The following USP15 variants were observed in gnomAD, a reference collection of about 807,000 sequenced individuals.
USP15 encodes the protein ubiquitin carboxyl-terminal hydrolase 15.
Under a neutral mutation model 127.1 loss-of-function variants are expected in USP15, and 18 were observed. The observed-to-expected ratio is 0.14, with a 90% CI of 0.10 to 0.21. The LOEUF is 0.21. USP15 is among the 10% of genes least tolerant of loss of function. USP15 has a pLI of 1.00. For synonymous variants in USP15, 364 were observed against 393.7 expected (o/e 0.92, Z 0.89); for missense variants, 805 against 1,159.9 (o/e 0.69, Z 4.44).
chr12:62,343,277 C>A (rs1468754026), intron 6 of USP15, among the ~76,000 whole-genome samples: 2 of 152,118 alleles, frequency 1.3e-5, no homozygotes, highest in South Asian at 4.1e-4. Context: ...CAAGCTCGAT[C>A]GTCCCAGGTC....
chr12:62,338,992 T>C (rs2065568714), intron 6 of USP15, among the ~76,000 whole-genome samples: 1 of 152,192 alleles, frequency 6.6e-6, no homozygotes, highest in African/African-American at 2.4e-5. Flanking sequence ...AGTAGTTTTT[T>C]CTAATTCTGT....
chr12:62,383,830 T>C lies in USP15; in HGVS notation c.1090-10T>C, dbSNP rs2067062979. The C allele has an allele frequency of 6.8e-6, 11 of 1,608,958 alleles. No homozygotes were observed. Among genetic ancestry groups the C allele is most frequent in the Non-Finnish European group, 9.3e-6 (11 of 1,177,710 alleles). ...CTAGAACTGATTTGATGGTTTTGCATTTCTTACAGACACAGGTAGGACGTT... is the reference window on the plus strand; with the variant it reads ...CTAGAACTGATTTGATGGTTTTGCACTTCTTACAGACACAGGTAGGACGTT... On this transcript the variant is annotated splice_polypyrimidine_tract_variant and intron_variant, in intron 9 of 21. Coordinates refer to ENST00000280377, the MANE Select transcript of USP15 (RefSeq NM_001252078.2).
intron 21 of USP15, among the ~76,000 whole-genome samples, chr12:62,403,502 C>T (rs1220729648): frequency 1.3e-5 from 2 of 151,904 alleles, no homozygotes; most frequent in African/African-American, 4.8e-5. Context: ...GGTTATTGAC[C>T]CTGCTGAAAG....
intron 8 of USP15, among the ~76,000 whole-genome samples, chr12:62,365,018 A>G (rs1221037961): frequency 5.9e-5 from 9 of 152,134 alleles, no homozygotes; most frequent in Admixed American, 1.3e-4. Context: ...CAGTAAGTGT[A>G]TGTGTGCATG....
intron 8 of USP15, among the ~76,000 whole-genome samples, chr12:62,355,725 TCAGA>T (rs1481146385): frequency 1.3e-5 from 2 of 150,614 alleles, no homozygotes; most frequent in Non-Finnish European, 3.0e-5. Flanking sequence ...AAATATAATA[TCAGA>T]CAGAAAACTT....
Position 62,413,735 on chromosome 12 carries a change from G to A in USP15, c.*9360G>A, listed in dbSNP as rs763960501. On this transcript the variant is annotated 3_prime_UTR_variant, in exon 22 of 22. Coordinates refer to ENST00000280377, the MANE Select transcript of USP15 (RefSeq NM_001252078.2). ...ATCTATTAAAAAAAAAAAAACTCAG[G>A]CTTTCTCTATACCACTTTTCTTATG... 31 of 151,916 alleles carry A rather than the reference G, an allele frequency of 2.0e-4. No homozygotes were observed. The highest frequency in any genetic ancestry group is 4.4e-4 in the Non-Finnish European group (30 of 67,988). The allele number at this position is 151,916 out of a possible 1,614,324, so 9.4% of individuals were successfully genotyped here. A position where few individuals can be genotyped will look rare whatever the true frequency, so the allele number is the denominator to read the frequency against.
At chr12:62,394,170 G>A (rs965239032) in intron 19 of USP15, among the ~76,000 whole-genome samples, 1 of 152,114 alleles carries the variant, frequency 6.6e-6, no homozygotes, top group African/African-American at 2.4e-5. Flanking sequence ...GACAAAAAGG[G>A]AACATTGTAT....
Position 62,314,796 on chromosome 12 carries a change from G to T in USP15, c.355G>T (p.Glu119Ter). 6.4e-7 allele frequency: 1 copy of T among 1,564,616 alleles called. No homozygotes were observed. The highest frequency in any genetic ancestry group is 1.2e-5 in the South Asian group (1 of 83,128). The change falls in exon 4 of 22, where the codon GAA becomes TAA. Residue 119 changes from glutamate (E) to a stop codon, truncating the protein, a stop_gained. Coordinates refer to ENST00000280377, the MANE Select transcript of USP15 (RefSeq NM_001252078.2). LOFTEE classifies it high-confidence loss of function. ...TTTTGTTTCATTATTTTAGGTGGTTGAACAGGGTATGTTTGTAAAGCACTG... is the reference window on the plus strand; with the variant it reads ...TTTTGTTTCATTATTTTAGGTGGTTTAACAGGGTATGTTTGTAAAGCACTG... ...GQEPIARKVV[E>*]QGMFVKHCKV...
At chr12:62,287,760 A>G (rs928341398) in intron 1 of USP15, among the ~76,000 whole-genome samples, 1 of 152,008 alleles carries the variant, frequency 6.6e-6, no homozygotes, top group South Asian at 2.1e-4. Flanking sequence ...CTTGAGTTAA[A>G]TATTTTATAT....
chr12:62,302,770 G>T lies in USP15; in HGVS notation c.218-20G>T. Reference sequence around the variant, plus strand: ...CAAAGTATTTAGAGTTAGGTATTGAGTTTATTTTTTCTTTTGCAGATGGTG... The same window carrying T: ...CAAAGTATTTAGAGTTAGGTATTGATTTTATTTTTTCTTTTGCAGATGGTG... On this transcript the variant is annotated intron_variant, in intron 2 of 21. Transcript: ENST00000280377. 1 of 1,598,148 alleles carries T rather than the reference G, an allele frequency of 6.3e-7. No individual in the cohort carries two copies. Among genetic ancestry groups the T allele is most frequent in the Non-Finnish European group, 8.5e-7 (1 of 1,170,432 alleles).
intron 7 of USP15, among the ~76,000 whole-genome samples, chr12:62,351,000 G>T (rs1251637274): frequency 1.3e-5 from 2 of 152,108 alleles, no homozygotes; most frequent in Admixed American, 1.3e-4. Flanking sequence ...AACCCCATTT[G>T]CTTTCCCTTA....
rs1023389433 is a variant in USP15, at chr12:62,414,463, C to A, written c.*10088C>A. On this transcript the variant is annotated 3_prime_UTR_variant, in exon 22 of 22. Transcript: ENST00000280377. ...TCAAGTGGTCCTCCCACCTCAGCCT[C>A]CGAAGTAGCTGGGTCTACAGGCATG... The A allele has an allele frequency of 6.6e-6, 1 of 152,252 alleles. No individual in the cohort carries two copies. Among genetic ancestry groups the A allele is most frequent in the East Asian group, 1.9e-4 (1 of 5,188 alleles). 9.4% of individuals were successfully genotyped at this position (152,252 alleles called of 1,614,324 possible).
In USP15 at chr12:62,375,472, G is replaced by A. The variant is rs1015880447; in HGVS notation, c.916-6018G>A. ...TCCACATACCTGTTTGAGTGTGCCC[G>A]ATATTGTGATAGACCCTGAGGTACA... is the stretch of plus-strand genomic sequence containing the variant. On this transcript the variant is annotated intron_variant, in intron 8 of 21. Transcript: ENST00000280377. Among the ~76,000 whole-genome samples the A allele has an allele frequency of 2.0e-5, 3 of 152,144 alleles. No homozygotes were observed. In the South Asian group the frequency reaches 6.2e-4, roughly 32 times the overall value.
In USP15 at chr12:62,271,125, G is replaced by GT. The variant is rs1475046297; in HGVS notation, c.89+10623dup. On this transcript the variant is annotated intron_variant, in intron 1 of 21. Coordinates refer to ENST00000280377, the MANE Select transcript of USP15 (RefSeq NM_001252078.2). Reference sequence around the variant, plus strand: ...AACACATTTACAGTACCTGGAAAATGTAAGACAACACCCTCAGCAGATGAA... The same window carrying GT: ...AACACATTTACAGTACCTGGAAAATGTTAAGACAACACCCTCAGCAGATGAA... Among the ~76,000 whole-genome samples, 3 of 152,008 alleles carry GT rather than the reference G, an allele frequency of 2.0e-5. No homozygotes were observed. In the East Asian group the frequency reaches 5.8e-4, roughly 29 times the overall value.
chr12:62,402,060 A>C (rs1037103315), intron 21 of USP15, among the ~76,000 whole-genome samples: 2 of 151,670 alleles, frequency 1.3e-5, no homozygotes, highest in Non-Finnish European at 2.9e-5. Flanking sequence ...TTTTTTCTGC[A>C]AAAGAAAATC....
At chr12:62,381,700 C>G in intron 9 of USP15, 37 bp downstream of exon 9, 1 of 1,582,406 alleles carries the variant, frequency 6.3e-7, no homozygotes, top group Non-Finnish European at 8.6e-7. Context: ...AGGGTACCTG[C>G]AAGGGTACAA....
At chr12:62,401,365 T>C in intron 21 of USP15, 90 bp downstream of exon 21, 1 of 939,578 alleles carries the variant, frequency 1.1e-6, no homozygotes. Flanking sequence ...TGGAACACTG[T>C]AGTCTATATT....
At chr12:62,279,369 C>T (rs1471217795) in intron 1 of USP15, among the ~76,000 whole-genome samples, 1 of 151,988 alleles carries the variant, frequency 6.6e-6, no homozygotes, top group African/African-American at 2.4e-5. Context: ...TTTCTTTATT[C>T]TTTCATCCAT....
chr12:62,339,244 T>C (rs1249266551), intron 6 of USP15, among the ~76,000 whole-genome samples: 1 of 152,192 alleles, frequency 6.6e-6, no homozygotes, highest in African/African-American at 2.4e-5. Flanking sequence ...TGATTTTGTA[T>C]CCTGAGATTT....
Sources: gnomAD v4.1 joint callset for allele counts (sites outside exome capture counted in the v4.1 genomes callset) on GRCh38, gnomAD v4.1.1 for gene constraint, MANE v1.5 for transcripts, NCBI Gene and HGNC (gene_info 2026-07-23, HGNC 2026-07-21) for gene names.